The following ELAVL4 variants were observed in gnomAD, a reference collection of about 807,000 sequenced individuals.
ELAVL4 encodes ELAV like RNA binding protein 4.
A neutral mutation model predicts 35.6 loss-of-function variants in ELAVL4; 1 was observed. The observed-to-expected ratio is 0.03, with a 90% confidence interval of 0.01 to 0.13. The LOEUF is 0.13. ELAVL4 is among the 10% of genes least tolerant of loss of function. ELAVL4 has a pLI of 1.00. For missense variants in ELAVL4, 267 were observed against 464.9 expected, an observed-to-expected ratio of 0.57 and a Z score of 3.91; for synonymous variants, 156 against 171.0, an observed-to-expected ratio of 0.91 and a Z score of 0.69.
intron 3 of ELAVL4, among the ~76,000 whole-genome samples, chr1:50,192,989 C>T (rs1339644962): frequency 2.6e-5 from 4 of 152,096 alleles, no homozygotes; most frequent in African/African-American, 4.8e-5. Context: ...TTTACAAAGT[C>T]GAACTTATTA....
At chr1:50,157,471 T>C (rs886656266) in intron 2 of ELAVL4, among the ~76,000 whole-genome samples, 3 of 152,188 alleles carry the variant, frequency 2.0e-5, no homozygotes, top group Non-Finnish European at 4.4e-5. Context: ...CTTCCAGAAG[T>C]TTTGCTCAGT....
At chr1:50,137,188 CTTTATT>C (rs1184507352) in intron 1 of ELAVL4, among the ~76,000 whole-genome samples, 1 of 152,046 alleles carries the variant, frequency 6.6e-6, no homozygotes, top group African/African-American at 2.4e-5. Context: ...GACTTTCCAT[CTTTATT>C]TTTATACTAC....
chr1:50,076,118 C>T (rs1664750634), intron 1 of ELAVL4, among the ~76,000 whole-genome samples: 2 of 152,136 alleles, frequency 1.3e-5, no homozygotes, highest in African/African-American at 2.4e-5. Context: ...CATGAGCCAC[C>T]GCACCAGGCC....
At chr1:50,064,745 C>T (rs1664177396) in intron 1 of ELAVL4, among the ~76,000 whole-genome samples, 1 of 152,200 alleles carries the variant, frequency 6.6e-6, no homozygotes, top group South Asian at 2.1e-4. Flanking sequence ...ATAGATCTAA[C>T]ATACTTTTCT....
intron 1 of ELAVL4, among the ~76,000 whole-genome samples, chr1:50,132,446 C>T (rs373609671): frequency 3.3e-5 from 5 of 152,290 alleles, no homozygotes; most frequent in East Asian, 3.9e-4. Flanking sequence ...GCTTTTAGAA[C>T]GGATCAGTAC....
chr1:50,098,567 T>C (rs1407464072), intron 1 of ELAVL4, among the ~76,000 whole-genome samples: 2 of 152,228 alleles, frequency 1.3e-5, no homozygotes, highest in Non-Finnish European at 2.9e-5. Context: ...ATTAAAAAAG[T>C]ACTCATCTTC....
At chr1:50,076,634 G>A (rs1463985274) in intron 1 of ELAVL4, among the ~76,000 whole-genome samples, 1 of 152,150 alleles carries the variant, frequency 6.6e-6, no homozygotes, top group Non-Finnish European at 1.5e-5. Flanking sequence ...GCAAAAATGT[G>A]TAAGGAAATG....
At chr1:50,128,299 T>G (rs183481898) in intron 1 of ELAVL4, among the ~76,000 whole-genome samples, 1 of 152,090 alleles carries the variant, frequency 6.6e-6, no homozygotes, top group Non-Finnish European at 1.5e-5. Context: ...AATATAGCTT[T>G]AAAAGAATGA....
At chr1:50,138,943 C>T (rs1672351938) in intron 1 of ELAVL4, among the ~76,000 whole-genome samples, 1 of 152,092 alleles carries the variant, frequency 6.6e-6, no homozygotes, top group Non-Finnish European at 1.5e-5. Context: ...GTACTTAATG[C>T]CACTGAACTG....
At position 50,195,546 on chromosome 1, in the gene ELAVL4, T is replaced by C. The variant is rs1286961779; in HGVS notation, c.509-15T>C. ...GTGTGTTCACTCTTTACAAAGGCTC[T>C]TTCTCTTTCCCCAGGAGTGTCCAGA... On this transcript the variant is annotated splice_polypyrimidine_tract_variant and intron_variant, in intron 4 of 6. Transcript: ENST00000371824. 1.2e-6 allele frequency: 2 copies of C among 1,613,336 alleles called. No individual in the cohort carries two copies. The highest frequency in any genetic ancestry group is 2.7e-5 in the African/African-American group (2 of 74,898).
intron 2 of ELAVL4, 132 bp from the exon 3 acceptor site, chr1:50,176,957 C>T: frequency 1.5e-6 from 1 of 673,494 alleles, no homozygotes; most frequent in Non-Finnish European, 2.5e-6. Context: ...AACTGTATAC[C>T]AAAGGAGAGT....
chr1:50,104,739 C>T (rs541814853), upstream of ELAVL4, among the ~76,000 whole-genome samples: 1 of 152,168 alleles, frequency 6.6e-6, no homozygotes, highest in Non-Finnish European at 1.5e-5. Flanking sequence ...TAATAAGATC[C>T]TCCTTAAAAT....
upstream of ELAVL4, among the ~76,000 whole-genome samples, chr1:50,102,304 TAAAATA>T (rs1446416795): frequency 2.4e-5 from 3 of 126,192 alleles, no homozygotes; most frequent in East Asian, 6.9e-4. Flanking sequence ...AATAATAAAA[TAAAATA>T]AAATAAAATA....
intron 1 of ELAVL4, among the ~76,000 whole-genome samples, chr1:50,137,593 G>A (rs1205616472): frequency 1.3e-5 from 2 of 152,060 alleles, no homozygotes; most frequent in South Asian, 2.1e-4. Flanking sequence ...TAGTACATCC[G>A]TACACTTTTA....
intron 1 of ELAVL4, among the ~76,000 whole-genome samples, chr1:50,124,305 C>T (rs544986677): frequency 3.9e-5 from 6 of 152,202 alleles, no homozygotes; most frequent in Middle Eastern, 3.4e-3. Context: ...GTCTGTACCA[C>T]GCAGTTAACA....
intron 1 of ELAVL4, among the ~76,000 whole-genome samples, chr1:50,137,092 C>T (rs1672006764): frequency 6.6e-6 from 1 of 152,100 alleles, no homozygotes; most frequent in Non-Finnish European, 1.5e-5. Flanking sequence ...GGTTCTAAAC[C>T]TTGCTATTAA....
intron 1 of ELAVL4, among the ~76,000 whole-genome samples, chr1:50,050,604 AG>A (rs1663304178): frequency 6.6e-6 from 1 of 152,204 alleles, no homozygotes; most frequent in Admixed American, 6.5e-5. Flanking sequence ...AAGTTAGAGA[AG>A]GTGCTTTAAT....
At position 50,202,907 on chromosome 1, in the gene ELAVL4, G is replaced by A. The variant is rs957295960; in HGVS notation, c.*1729G>A. 1 of 152,074 alleles carries A rather than the reference G, an allele frequency of 6.6e-6. No homozygotes were observed. Among genetic ancestry groups the A allele is most frequent in the Non-Finnish European group, 1.5e-5 (1 of 67,996 alleles). The allele number at this position is 152,074 out of a possible 1,614,324, so 9.4% of individuals were successfully genotyped here. A position where few individuals can be genotyped will look rare whatever the true frequency, so the allele number is the denominator to read the frequency against. ...AAAACAACTGAGTCTTTATTTTAATGTAACTCAGATTGGGGAAAACAAAAC... is the reference window on the plus strand; with the variant it reads ...AAAACAACTGAGTCTTTATTTTAATATAACTCAGATTGGGGAAAACAAAAC... On this transcript the variant is annotated 3_prime_UTR_variant, in exon 7 of 7. Coordinates refer to ENST00000371824, the MANE Select transcript of ELAVL4 (RefSeq NM_001144774.3).
intron 1 of ELAVL4, among the ~76,000 whole-genome samples, chr1:50,097,531 C>T (rs1408301599): frequency 1.3e-5 from 2 of 152,122 alleles, no homozygotes; most frequent in Non-Finnish European, 2.9e-5. Context: ...AGTGGTTTGC[C>T]TGAGGTCATA....
Sources: allele counts gnomAD v4.1 joint callset (sites outside exome capture counted in the v4.1 genomes callset), GRCh38; gene constraint gnomAD v4.1.1; transcripts MANE v1.5; gene names NCBI Gene and HGNC (gene_info 2026-07-23, HGNC 2026-07-21).